The following PCCB variants were observed in gnomAD, a reference collection of about 807,000 sequenced individuals.
PCCB encodes propionyl-CoA carboxylase subunit beta, also known as propionyl-CoA carboxylase beta chain, mitochondrial.
Under a neutral mutation model 60.7 loss-of-function variants are expected in PCCB, and 43 were observed. The observed-to-expected ratio is 0.71, with a 90% CI of 0.55 to 0.91. The LOEUF (loss-of-function observed/expected upper bound fraction) is 0.91. Ranked by LOEUF, PCCB falls within the 40% of genes least tolerant of loss-of-function variation. The probability of loss-of-function intolerance (pLI) is 0.00; values close to 1 mark genes in which losing one functional copy is unlikely to be tolerated. For synonymous variants in PCCB, 276 were observed against 255.9 expected (o/e 1.08, Z -0.75); for missense variants, 766 against 702.8 (o/e 1.09, Z -1.02).
intron 7 of PCCB, among the ~76,000 whole-genome samples, chr3:136,297,205 G>A (rs1003903012): frequency 6.6e-6 from 1 of 152,182 alleles, no homozygotes; most frequent in Non-Finnish European, 1.5e-5. Flanking sequence ...CTCGGTAGGA[G>A]AGTGACTGGC....
rs3821445 is a variant in PCCB at position 136,283,967 on chromosome 3, T to C, written c.654+20T>C. 0.18 allele frequency: 269,329 copies of C among 1,475,928 alleles called. 26,379 individuals are homozygous for C. The highest frequency in any genetic ancestry group is 0.21 in the Middle Eastern group (1,106 of 5,336). 91.4% of individuals were successfully genotyped at this position (1,475,928 alleles called of 1,614,324 possible). ...GTAAAGGTAAGAAAGAAGGGCCTGT[T>C]TTTGGTGCCGTTTGAGATTTGTGCA... On this transcript the variant is annotated intron_variant, in intron 6 of 14. Transcript: ENST00000251654.
At chr3:136,255,021 C>T (rs1182417572) in intron 1 of PCCB, among the ~76,000 whole-genome samples, 1 of 151,932 alleles carries the variant, frequency 6.6e-6, no homozygotes, top group Non-Finnish European at 1.5e-5. Context: ...GGAAGACAGG[C>T]GCATGCCACC....
chr3:136,298,025 C>T lies in PCCB; in HGVS notation c.837C>T (p.Pro279=), dbSNP rs1560017861. Residue 279 remains proline (P), a synonymous_variant, in exon 8 of 15, where the codon CCC becomes CCT. Transcript: ENST00000251654. The stretch of plus-strand genomic sequence containing the variant: ...TCCGGGATTTCTTCAACTACCTGCC[C>T]CTGAGCAGTCAGGACCCGGCTCCCG... The part of the protein sequence containing the change: ...CNLRDFFNYL[P]LSSQDPAPVR... 1.2e-6 allele frequency: 2 copies of T among 1,614,114 alleles called. No homozygotes were observed. Among genetic ancestry groups the T allele is most frequent in the Non-Finnish European group, 1.7e-6 (2 of 1,179,980 alleles).
At chr3:136,271,573 C>T (rs1463763585) in intron 5 of PCCB, among the ~76,000 whole-genome samples, 1 of 152,140 alleles carries the variant, frequency 6.6e-6, no homozygotes, top group African/African-American at 2.4e-5. Flanking sequence ...ATCTTCACCT[C>T]CTTGGTTAGG....
chr3:136,279,003 A>G (rs1343154045), intron 5 of PCCB, among the ~76,000 whole-genome samples: 1 of 152,088 alleles, frequency 6.6e-6, no homozygotes, highest in Non-Finnish European at 1.5e-5. Context: ...TTAGGTGTGT[A>G]TATTTTTTTA....
At chr3:136,281,967 T>G (rs1001358768) in intron 5 of PCCB, among the ~76,000 whole-genome samples, 2 of 152,176 alleles carry the variant, frequency 1.3e-5, no homozygotes, top group African/African-American at 4.8e-5. Context: ...CAAACTACCT[T>G]TTTAAATCCC....
intron 5 of PCCB, among the ~76,000 whole-genome samples, chr3:136,267,440 C>T (rs1347116942): frequency 6.6e-6 from 1 of 152,106 alleles, no homozygotes; most frequent in Non-Finnish European, 1.5e-5. Flanking sequence ...AGCGATCTGC[C>T]TCGGCATCCC....
chr3:136,316,825 T>C (rs1165625602), intron 9 of PCCB, 116 bp from the exon 10 acceptor site: 16 of 1,193,302 alleles, frequency 1.3e-5, no homozygotes, highest in Non-Finnish European at 1.7e-5. Context: ...GTGATAGAGC[T>C]GGAGCTGTCT....
intron 5 of PCCB, among the ~76,000 whole-genome samples, chr3:136,268,099 T>TATATATATATAC (rs1942074524): frequency 8.8e-6 from 1 of 113,660 alleles, no homozygotes; most frequent in Non-Finnish European, 1.7e-5. Flanking sequence ...TATATATATA[T>TATATATATATAC]ATATATATAT....
At chr3:136,255,435 AGG>A in intron 1 of PCCB, 1 of 276,912 alleles carries the variant, frequency 3.6e-6, no homozygotes. Context: ...GTGCTTCTGT[AGG>A]TCTCCCTAGA....
chr3:136,319,215 A>G (rs1212452530), intron 10 of PCCB, among the ~76,000 whole-genome samples: 2 of 152,028 alleles, frequency 1.3e-5, no homozygotes, highest in Non-Finnish European at 2.9e-5. Flanking sequence ...TCTTCTTTGG[A>G]AAAATGTCTA....
chr3:136,315,307 G>C (rs1291083202), intron 9 of PCCB, among the ~76,000 whole-genome samples: 1 of 152,164 alleles, frequency 6.6e-6, no homozygotes, highest in African/African-American at 2.4e-5. Context: ...GGAGGCCGAG[G>C]TGGGCGGATC....
intron 1 of PCCB, chr3:136,252,493 C>T (rs148324781): frequency 1.5e-3 from 503 of 338,992 alleles, no homozygotes; most frequent in Non-Finnish European, 2.0e-3. Context: ...GTGATCCACC[C>T]GCGTCTGCCT....
At chr3:136,279,335 G>A (rs1043061027) in intron 5 of PCCB, among the ~76,000 whole-genome samples, 2 of 152,178 alleles carry the variant, frequency 1.3e-5, no homozygotes, top group African/African-American at 4.8e-5. Flanking sequence ...AGTTATTTCT[G>A]TATGTGTTTT....
chr3:136,293,229 C>T (rs1306304972), intron 6 of PCCB, among the ~76,000 whole-genome samples: 2 of 152,186 alleles, frequency 1.3e-5, no homozygotes, highest in Non-Finnish European at 2.9e-5. Flanking sequence ...TCTTGAACTC[C>T]TGGCCTGAAG....
At position 136,257,675 on chromosome 3, in the gene PCCB, G is replaced by A. The variant is rs934254073; in HGVS notation, c.372+1052G>A. ...AAATTGGCTAGGCGTGGTGGCTCAT[G>A]CCTGTAGTCCCAGTACTTTGGGAGG... On this transcript the variant is annotated intron_variant, in intron 3 of 14. Transcript: ENST00000251654. Among the ~76,000 whole-genome samples the A allele has an allele frequency of 2.0e-5, 3 of 152,162 alleles. No individual in the cohort carries two copies. In the South Asian group the frequency reaches 6.2e-4, roughly 32 times the overall value.
chr3:136,307,469 A>G (rs944880503), intron 9 of PCCB, among the ~76,000 whole-genome samples: 2 of 152,188 alleles, frequency 1.3e-5, no homozygotes, highest in Non-Finnish European at 2.9e-5. Context: ...GCTAACAGAT[A>G]TCATTAAAAA....
chr3:136,272,839 TTTG>T (rs1415274515), intron 5 of PCCB, among the ~76,000 whole-genome samples: 1 of 152,172 alleles, frequency 6.6e-6, no homozygotes, highest in Non-Finnish European at 1.5e-5. Flanking sequence ...TGCTCTGATC[TTTG>T]TTATTTCTTC....
chr3:136,294,907 C>T (rs1933865209), intron 7 of PCCB, among the ~76,000 whole-genome samples: 2 of 152,172 alleles, frequency 1.3e-5, no homozygotes, highest in African/African-American at 4.8e-5. Flanking sequence ...CGTGAGCCAC[C>T]ATGTCCGGCT....
Sources: allele counts gnomAD v4.1 joint callset (sites outside exome capture counted in the v4.1 genomes callset), GRCh38; gene constraint gnomAD v4.1.1; transcripts MANE v1.5; gene names NCBI Gene and HGNC (gene_info 2026-07-23, HGNC 2026-07-21).